The following SPAG17 variants were observed in gnomAD, a reference collection of about 807,000 sequenced individuals.
SPAG17 encodes the protein sperm-associated antigen 17.
A neutral mutation model predicts 273.6 loss-of-function variants in SPAG17; 169 were observed. The observed-to-expected ratio is 0.62, with a 90% CI of 0.55 to 0.70. SPAG17 has a LOEUF of 0.70. SPAG17 is among the 30% of genes least tolerant of loss of function. The pLI is 0.00. For synonymous variants in SPAG17, 825 were observed against 873.2 expected (o/e 0.94, Z 0.97); for missense variants, 2,557 against 2,627.8 (o/e 0.97, Z 0.59).
chr1:118,036,959 G>T, intron 23 of SPAG17, 76 bp from the exon 24 acceptor site: 1 of 1,041,154 alleles, frequency 9.6e-7, no homozygotes, highest in Non-Finnish European at 1.4e-6. Flanking sequence ...TGGGAAGGCT[G>T]GGAATGGAGT....
At chr1:117,965,880 T>G (rs962967976) in intron 47 of SPAG17, 1 of 152,238 alleles carries the variant, frequency 6.6e-6, no homozygotes, top group Non-Finnish European at 1.5e-5. Context: ...TTTGGCAAGT[T>G]GAACTCCCTG....
intron 40 of SPAG17, among the ~76,000 whole-genome samples, chr1:117,986,934 G>A (rs953184979): frequency 2.0e-5 from 3 of 152,022 alleles, no homozygotes; most frequent in African/African-American, 7.3e-5. Flanking sequence ...CATGAGAGGT[G>A]CCCTTGAAAT....
intron 18 of SPAG17, among the ~76,000 whole-genome samples, chr1:118,058,638 A>G (rs1238636023): frequency 6.6e-6 from 1 of 152,198 alleles, no homozygotes; most frequent in Non-Finnish European, 1.5e-5. Context: ...ATTAGCTCTG[A>G]GGCACTGCCC....
intron 1 of SPAG17, among the ~76,000 whole-genome samples, chr1:118,180,852 C>A (rs1158185535): frequency 6.6e-6 from 1 of 151,818 alleles, no homozygotes; most frequent in African/African-American, 2.4e-5. Flanking sequence ...AATGCATGGA[C>A]AAATTTATTT....
At chr1:118,078,849 T>A (rs1385598865) in intron 15 of SPAG17, among the ~76,000 whole-genome samples, 1 of 152,058 alleles carries the variant, frequency 6.6e-6, no homozygotes, top group African/African-American at 2.4e-5. Flanking sequence ...CACTAATGTG[T>A]TAATTGATGT....
chr1:118,107,505 C>T (rs1227166396), intron 4 of SPAG17, among the ~76,000 whole-genome samples: 3 of 152,028 alleles, frequency 2.0e-5, no homozygotes, highest in African/African-American at 7.2e-5. Flanking sequence ...ATTTACCTCC[C>T]CCACCTTCGC....
intron 23 of SPAG17, among the ~76,000 whole-genome samples, chr1:118,038,260 A>T (rs182013950): frequency 6.6e-6 from 1 of 152,302 alleles, no homozygotes; most frequent in Non-Finnish European, 1.5e-5. Context: ...GAATGGAGAA[A>T]ATCTAAAACA....
At chr1:117,974,529 T>TA (rs552448026) in intron 43 of SPAG17, among the ~76,000 whole-genome samples, 3,925 of 150,076 alleles carry the variant, frequency 0.026, 166 homozygotes, top group African/African-American at 0.09. Flanking sequence ...AACTAATGAG[T>TA]AAAAAAAAAA....
At chr1:117,985,135 A>C (rs1266415273) in intron 40 of SPAG17, among the ~76,000 whole-genome samples, 1 of 152,216 alleles carries the variant, frequency 6.6e-6, no homozygotes, top group African/African-American at 2.4e-5. Flanking sequence ...TGACAGCTAG[A>C]GTCTACTGGT....
At chr1:118,107,558 C>T (rs1283584766) in intron 4 of SPAG17, among the ~76,000 whole-genome samples, 1 of 152,164 alleles carries the variant, frequency 6.6e-6, no homozygotes, top group Non-Finnish European at 1.5e-5. Context: ...ATGAGTCTCA[C>T]TCTGTGGCCC....
At chr1:118,120,149 T>G (rs990758834) in intron 3 of SPAG17, among the ~76,000 whole-genome samples, 3 of 152,202 alleles carry the variant, frequency 2.0e-5, no homozygotes, top group Non-Finnish European at 2.9e-5. Flanking sequence ...ATGAGTATTC[T>G]CCAACTTTTA....
chr1:118,014,017 A>T (rs1659730363), intron 29 of SPAG17, among the ~76,000 whole-genome samples: 1 of 152,196 alleles, frequency 6.6e-6, no homozygotes, highest in African/African-American at 2.4e-5. Flanking sequence ...TTAGAATGTA[A>T]TATTTCATGT....
intron 3 of SPAG17, among the ~76,000 whole-genome samples, chr1:118,137,941 A>G (rs1166274839): frequency 6.6e-6 from 1 of 152,214 alleles, no homozygotes; most frequent in Non-Finnish European, 1.5e-5. Flanking sequence ...AAACATGCAG[A>G]AGCATGAAAA....
rs991538786 is a variant in SPAG17, at chr1:118,093,239, G to T, written c.1090C>A (p.His364Asn). Residue 364 changes from histidine to asparagine, a missense_variant, in exon 8 of 49, where the codon CAC (histidine) becomes AAC (asparagine). By Grantham distance (68) the His-to-Asn change is moderately conservative (BLOSUM62 1). Coordinates refer to ENST00000336338, the MANE Select transcript of SPAG17 (RefSeq NM_206996.4). ...ATAAGCTGCATGCTTTCCAAATAGT[G>T]CTGGTGCTGCCTTTTCCAATCCAGG... ...DILDWKRQHQ[H>N]YLESMQLINV... 1.9e-6 allele frequency: 3 copies of T among 1,613,602 alleles called. No individual in the cohort carries two copies. The highest frequency in any genetic ancestry group is 1.7e-6 in the Non-Finnish European group (2 of 1,179,830).
chr1:118,080,034 A>T (rs1187123574), intron 15 of SPAG17, among the ~76,000 whole-genome samples: 2 of 152,214 alleles, frequency 1.3e-5, no homozygotes, highest in Admixed American at 1.3e-4. Context: ...AAATTGAAAG[A>T]AAATAACTAA....
At chr1:118,151,423 G>A (rs1558049073) in intron 1 of SPAG17, 54 bp from the exon 2 acceptor site, 4 of 1,456,894 alleles carry the variant, frequency 2.7e-6, no homozygotes, top group Non-Finnish European at 2.8e-6. Context: ...AGGTCATTTC[G>A]TGTCAAATAT....
chr1:117,987,953 T>A, intron 39 of SPAG17, 72 bp from the exon 40 acceptor site: 1 of 1,549,972 alleles, frequency 6.5e-7, no homozygotes, highest in Non-Finnish European at 8.9e-7. Context: ...CCAAAAACCC[T>A]CACCACTATA....
chr1:118,007,915 T>C (rs2101751492), intron 31 of SPAG17, 129 bp downstream of exon 31: 3 of 868,246 alleles, frequency 3.5e-6, no homozygotes, highest in Non-Finnish European at 5.4e-6. Flanking sequence ...TTCTAAGATG[T>C]TAGTATTATA....
chr1:118,119,695 G>A (rs1657306450), intron 3 of SPAG17, among the ~76,000 whole-genome samples: 1 of 152,172 alleles, frequency 6.6e-6, no homozygotes, highest in Non-Finnish European at 1.5e-5. Flanking sequence ...GCTAGCACAA[G>A]GCTGGGCAAA....
Sources: allele counts gnomAD v4.1 joint callset (sites outside exome capture counted in the v4.1 genomes callset), GRCh38; gene constraint gnomAD v4.1.1; transcripts MANE v1.5; gene names NCBI Gene and HGNC (gene_info 2026-07-23, HGNC 2026-07-21).